RAI1: variants seen among roughly 807,000 people sequenced by gnomAD.
RAI1 encodes retinoic acid-induced protein 1.
In RAI1, 9 loss-of-function variants were observed where a neutral mutation model predicts 123.8. The observed-to-expected ratio is 0.07, with a 90% CI of 0.04 to 0.13. RAI1 has a LOEUF of 0.13. Ranked by LOEUF, RAI1 falls within the 10% of genes least tolerant of loss-of-function variation. The pLI, the probability that RAI1 is intolerant of heterozygous loss-of-function variation, is 1.00. For synonymous variants in RAI1, 1,231 were observed against 1,127.3 expected, an observed-to-expected ratio of 1.09 and a Z score of -1.84; for missense variants, 2,256 against 2,545.8, an observed-to-expected ratio of 0.89 and a Z score of 2.45.
intron 2 of RAI1, among the ~76,000 whole-genome samples, chr17:17,753,869 C>G (rs2030317403): frequency 6.6e-6 from 1 of 152,202 alleles, no homozygotes; most frequent in Non-Finnish European, 1.5e-5. Flanking sequence ...ACTGGAGGAA[C>G]TGTGGATCCT....
intron 1 of RAI1, among the ~76,000 whole-genome samples, chr17:17,686,568 C>CGTGTGT (rs58906330): frequency 0.11 from 14,283 of 124,254 alleles, 950 homozygotes; most frequent in Non-Finnish European, 0.16. Context: ...TTCTTGAACC[C>CGTGTGT]GTGTGTGTGT....
Position 17,810,069 on chromosome 17 carries a change from C to T in RAI1, c.*88C>T. 1 of 1,505,536 alleles carries T rather than the reference C, an allele frequency of 6.6e-7. No individual in the cohort carries two copies. Among genetic ancestry groups the T allele is most frequent in the Non-Finnish European group, 8.9e-7 (1 of 1,118,790 alleles). The allele number at this position is 1,505,536 out of a possible 1,614,324, so 93.3% of individuals were successfully genotyped here. On this transcript the variant is annotated 3_prime_UTR_variant, in exon 6 of 6. Coordinates refer to ENST00000353383, the MANE Select transcript of RAI1 (RefSeq NM_030665.4). The surrounding 1 kb of genome is among the most constrained non-coding windows in gnomAD (Gnocchi z 4.6). ...AGGAGCCGCCTGCGCAGCCCCCGGGCCTTTGAGCTGCTCCCAGCGCTGGTC... is the reference window on the plus strand; with the variant it reads ...AGGAGCCGCCTGCGCAGCCCCCGGGTCTTTGAGCTGCTCCCAGCGCTGGTC...
In RAI1 at chr17:17,710,237, A is replaced by G. The variant is rs553781255; in HGVS notation, c.-148-13791A>G. ...TCAGAACCCAGCGGGGGCTTTAGCC[A>G]CAAAAAAAGAGCATTTCAAGGAGAA... On this transcript the variant is annotated intron_variant, in intron 1 of 5. Coordinates refer to ENST00000353383, the MANE Select transcript of RAI1 (RefSeq NM_030665.4). Among the ~76,000 whole-genome samples the G allele has an allele frequency of 1.1e-3, 161 of 152,290 alleles. 1 individual carries two copies. The highest frequency in any genetic ancestry group is 1.8e-4 in the Non-Finnish European group (12 of 68,016).
chr17:17,735,956 T>C (rs757047426), intron 2 of RAI1, among the ~76,000 whole-genome samples: 1 of 151,970 alleles, frequency 6.6e-6, no homozygotes. Flanking sequence ...GGGACTGTGA[T>C]TGTGTGTGTG....
At chr17:17,786,501 G>T (rs2031832215) in intron 2 of RAI1, among the ~76,000 whole-genome samples, 1 of 152,176 alleles carries the variant, frequency 6.6e-6, no homozygotes, top group Non-Finnish European at 1.5e-5. Context: ...TGCAAGGGGT[G>T]CTGTTTCAAA....
chr17:17,808,685 G>A (rs948491649), intron 4 of RAI1, among the ~76,000 whole-genome samples: 1 of 152,078 alleles, frequency 6.6e-6, no homozygotes, highest in Non-Finnish European at 1.5e-5. Flanking sequence ...GGGCTCAAGC[G>A]ATTCATTCAC....
intron 1 of RAI1, among the ~76,000 whole-genome samples, chr17:17,710,012 C>T (rs1267286636): frequency 6.6e-6 from 1 of 152,142 alleles, no homozygotes; most frequent in Non-Finnish European, 1.5e-5. Context: ...GGGTGGTCAA[C>T]CCTTGGACAC....
chr17:17,798,396 C>A lies in RAI1; in HGVS notation c.5448C>A (p.Gly1816=), dbSNP rs759987462. 1 of 1,609,936 alleles carries A rather than the reference C, an allele frequency of 6.2e-7. No homozygotes were observed. The highest frequency in any genetic ancestry group is 8.5e-7 in the Non-Finnish European group (1 of 1,178,726). ...ECSKEAPAEP[G]GEAQEHWVHE... is the part of the protein sequence containing the mutation. ...GCAAGGAGGCTCCGGCAGAGCCCGG[C>A]GGGGAGGCCCAGGAGCACTGGGTGC... The change falls in exon 3 of 6, where the codon GGC becomes GGA. Residue 1816 remains glycine (G), a synonymous_variant. Transcript: ENST00000353383.
At chr17:17,746,317 G>C (rs1323759984) in intron 2 of RAI1, among the ~76,000 whole-genome samples, 1 of 152,230 alleles carries the variant, frequency 6.6e-6, no homozygotes, top group Non-Finnish European at 1.5e-5. Flanking sequence ...CAGCCCATCT[G>C]GGAGCCAACG....
intron 2 of RAI1, among the ~76,000 whole-genome samples, chr17:17,747,047 C>T (rs2029953858): frequency 6.6e-6 from 1 of 152,148 alleles, no homozygotes; most frequent in African/African-American, 2.4e-5. Flanking sequence ...TAATTCATCG[C>T]CCCCATTTCT....
chr17:17,810,006 G>A lies in RAI1; in HGVS notation c.*25G>A. 1 of 1,545,062 alleles carries A rather than the reference G, an allele frequency of 6.5e-7. No individual in the cohort carries two copies. Among genetic ancestry groups the A allele is most frequent in the Non-Finnish European group, 8.7e-7 (1 of 1,145,564 alleles). On this transcript the variant is annotated 3_prime_UTR_variant, in exon 6 of 6. Transcript: ENST00000353383. The surrounding 1 kb of genome is among the most constrained non-coding windows in gnomAD (Gnocchi z 4.6). ...GTAATCCACCCCAACGGCCGGAGGA[G>A]CCGCCGGAGCCCGCCTGCCCGCCCG...
intron 1 of RAI1, 23 bp downstream of exon 1, chr17:17,681,816 C>CG (rs139937261): frequency 0.38 from 113,558 of 296,658 alleles, 24,758 homozygotes; most frequent in Non-Finnish European, 0.47. Flanking sequence ...CGCCGGGGCG[C>CG]GGGGGGCGCA....
intron 2 of RAI1, among the ~76,000 whole-genome samples, chr17:17,789,445 C>A (rs531333214): frequency 6.6e-6 from 1 of 152,360 alleles, no homozygotes; most frequent in South Asian, 2.1e-4. Flanking sequence ...AAGGGCTGTG[C>A]CCCAGGTGTG....
At position 17,810,194 on chromosome 17, in the gene RAI1, C is replaced by T. The variant is rs918779952; in HGVS notation, c.*213C>T. On this transcript the variant is annotated 3_prime_UTR_variant, in exon 6 of 6. Coordinates refer to ENST00000353383, the MANE Select transcript of RAI1 (RefSeq NM_030665.4). The surrounding 1 kb of genome is among the most constrained non-coding windows in gnomAD (Gnocchi z 4.6). The stretch of plus-strand genomic sequence containing the variant: ...GGAGGAAAACCCGTTCCGGAGCCGC[C>T]TGCTCCCGGAACCGGACGGCACAGG... 1 of 682,994 alleles carries T rather than the reference C, an allele frequency of 1.5e-6. No homozygotes were observed. The allele number at this position is 682,994 out of a possible 1,614,324, so 42.3% of individuals were successfully genotyped here. A position where few individuals can be genotyped will look rare whatever the true frequency, so the allele number is the denominator to read the frequency against.
At chr17:17,711,799 G>T (rs1052378801) in intron 1 of RAI1, among the ~76,000 whole-genome samples, 3 of 152,214 alleles carry the variant, frequency 2.0e-5, no homozygotes, top group Non-Finnish European at 2.9e-5. Context: ...GTGAGGCCCG[G>T]GCTCTGTCCC....
At chr17:17,732,052 C>A (rs759247340) in intron 2 of RAI1, among the ~76,000 whole-genome samples, 1 of 151,860 alleles carries the variant, frequency 6.6e-6, no homozygotes, top group African/African-American at 2.4e-5. Context: ...AGCTTCCTCT[C>A]GGTGAGGCCT....
intron 2 of RAI1, among the ~76,000 whole-genome samples, chr17:17,765,629 A>G (rs2030895297): frequency 6.6e-6 from 1 of 152,252 alleles, no homozygotes. Flanking sequence ...CACCAGGTAC[A>G]CGTGTGAGGA....
chr17:17,682,247 G>A (rs1200111127), intron 1 of RAI1, among the ~76,000 whole-genome samples: 1 of 152,062 alleles, frequency 6.6e-6, no homozygotes, highest in Non-Finnish European at 1.5e-5. Context: ...TTCCCCATGC[G>A]TGACCCGGGC....
At chr17:17,733,372 G>A (rs1369824908) in intron 2 of RAI1, among the ~76,000 whole-genome samples, 1 of 152,240 alleles carries the variant, frequency 6.6e-6, no homozygotes. Flanking sequence ...AAAGGATGCA[G>A]AATGCTTGGG....
Sources: allele counts gnomAD v4.1 joint callset (sites outside exome capture counted in the v4.1 genomes callset), GRCh38; gene constraint gnomAD v4.1.1; non-coding constraint Gnocchi (gnomAD v3.1); transcripts MANE v1.5; gene names NCBI Gene and HGNC (gene_info 2026-07-23, HGNC 2026-07-21).